SHCBP1: variants seen among roughly 807,000 people sequenced by gnomAD.
SHCBP1 encodes the protein SHC SH2 domain-binding protein 1.
Under a neutral mutation model 75.1 loss-of-function variants are expected in SHCBP1, and 60 were observed. The observed-to-expected ratio is 0.80, with a 90% CI of 0.65 to 0.99. SHCBP1 has a LOEUF of 0.99. Ranked by LOEUF, SHCBP1 falls within the 50% of genes least tolerant of loss-of-function variation. The pLI, the probability that SHCBP1 is intolerant of heterozygous loss-of-function variation, is 0.00. For synonymous variants in SHCBP1, 290 were observed against 293.2 expected (o/e 0.99, Z 0.11); for missense variants, 709 against 809.4 (o/e 0.88, Z 1.50).
rs951749649 is a variant in SHCBP1, at chr16:46,616,927, A to C, written c.387+707T>G. ...AGCTGCAATCCACTGCCTTGTACATAATCACTGTAGTATGTGATGCCATTT... is the reference window on the plus strand; with the variant it reads ...AGCTGCAATCCACTGCCTTGTACATCATCACTGTAGTATGTGATGCCATTT... On this transcript the variant is annotated intron_variant, in intron 3 of 12. Transcript: ENST00000303383. This position sits in a 1 kb window ranked among gnomAD's most constrained non-coding sequence, Gnocchi z 4.4. 3.9e-5 allele frequency among the ~76,000 whole-genome samples: 6 copies of C among 152,186 alleles called. No homozygotes were observed. Among genetic ancestry groups the C allele is most frequent in the Non-Finnish European group, 8.8e-5 (6 of 68,038 alleles).
Position 46,616,256 on chromosome 16 carries a change from G to A in SHCBP1, c.388-102C>T. ...GATTTTTTTAAAAGCATACAACATG[G>A]GTGGGGAGGCTTTACCCATAATATA... is the stretch of plus-strand genomic sequence containing the variant. On this transcript the variant is annotated intron_variant, in intron 3 of 12. Coordinates refer to ENST00000303383, the MANE Select transcript of SHCBP1 (RefSeq NM_024745.5). This position sits in a 1 kb window ranked among gnomAD's most constrained non-coding sequence, Gnocchi z 4.4. 1.7e-6 allele frequency: 2 copies of A among 1,160,502 alleles called. No individual in the cohort carries two copies. Among genetic ancestry groups the A allele is most frequent in the Non-Finnish European group, 2.5e-6 (2 of 808,994 alleles). The allele number at this position is 1,160,502 out of a possible 1,614,324, so 71.9% of individuals were successfully genotyped here.
Position 46,616,792 on chromosome 16 carries a change from T to G in SHCBP1, c.388-638A>C, listed in dbSNP as rs901667644. ...TGTTTTAAAACAATGACTTTCATTG[T>G]TTTCGGAGAACTGATTGGCGGGGGG... On this transcript the variant is annotated intron_variant, in intron 3 of 12. Transcript: ENST00000303383. The surrounding 1 kb of genome is among the most constrained non-coding windows in gnomAD (Gnocchi z 4.4). Among the ~76,000 whole-genome samples, 2 of 152,198 alleles carry G rather than the reference T, an allele frequency of 1.3e-5. No individual in the cohort carries two copies. The highest frequency in any genetic ancestry group is 4.8e-5 in the African/African-American group (2 of 41,442).
In SHCBP1 at chr16:46,618,320, T is replaced by A; in HGVS notation, c.156A>T (p.Pro52=). The change falls in exon 2 of 13, where the codon CCA becomes CCT. Residue 52 remains proline, a synonymous_variant. Transcript: ENST00000303383. ...SCSDCSYRDK[P]GSSLQSFMPE... The stretch of plus-strand genomic sequence containing the variant: ...GCATAAAACTTTGTAAACTAGAACC[T>A]GGTTTATCACGGTAGCTACAATCAC... The A allele has an allele frequency of 1.9e-6, 3 of 1,613,438 alleles. No homozygotes were observed. Among genetic ancestry groups the A allele is most frequent in the Non-Finnish European group, 2.5e-6 (3 of 1,179,842 alleles).
At chr16:46,588,613 C>T (rs1003058766) in intron 10 of SHCBP1, among the ~76,000 whole-genome samples, 12 of 152,184 alleles carry the variant, frequency 7.9e-5, no homozygotes, top group Admixed American at 7.2e-4. Context: ...CCTCCCAAGA[C>T]TAAACCAGGA....
chr16:46,604,816 G>A (rs528803251), intron 5 of SHCBP1, among the ~76,000 whole-genome samples: 7 of 152,294 alleles, frequency 4.6e-5, no homozygotes, highest in African/African-American at 1.7e-4. Flanking sequence ...AGCTTAATAA[G>A]AAGGTGGCAG....
chr16:46,583,448 T>C, intron 12 of SHCBP1, 68 bp downstream of exon 12: 2 of 1,487,094 alleles, frequency 1.3e-6, no homozygotes. Context: ...AAGACTCAGA[T>C]CCTTAATCAG....
rs190978228 is a variant in SHCBP1, at chr16:46,590,620, C to A, written c.1464+4932G>T. Among the ~76,000 whole-genome samples, 79 of 152,278 alleles carry A rather than the reference C, an allele frequency of 5.2e-4. 1 individual carries two copies. Among genetic ancestry groups the A allele is most frequent in the Admixed American group, 4.3e-3 (66 of 15,298 alleles). Reference sequence around the variant, plus strand: ...TGCAAATCAAAAACACAATGAGATACCATTTCACACCAGTTAGAATGGTGA... The same window carrying A: ...TGCAAATCAAAAACACAATGAGATAACATTTCACACCAGTTAGAATGGTGA... On this transcript the variant is annotated intron_variant, in intron 10 of 12. Coordinates refer to ENST00000303383, the MANE Select transcript of SHCBP1 (RefSeq NM_024745.5).
chr16:46,618,409 C>A, intron 1 of SHCBP1, 37 bp from the exon 2 acceptor site: 1 of 1,533,912 alleles, frequency 6.5e-7, no homozygotes, highest in Non-Finnish European at 8.7e-7. Flanking sequence ...AGCTCCAGTG[C>A]CTTATTTGAA....
chr16:46,589,975 T>G (rs1197394593), intron 10 of SHCBP1, among the ~76,000 whole-genome samples: 1 of 152,044 alleles, frequency 6.6e-6, no homozygotes, highest in Non-Finnish European at 1.5e-5. Context: ...AACAGAGATA[T>G]AGACCAATGG....
At position 46,596,450 on chromosome 16, in the gene SHCBP1, TGAGCA is replaced by T. The variant is rs377110640; in HGVS notation, c.1346-785_1346-781del. On this transcript the variant is annotated intron_variant, in intron 9 of 12. Coordinates refer to ENST00000303383, the MANE Select transcript of SHCBP1 (RefSeq NM_024745.5). ...TGAACCCAAAAGGCGGAGCTTGCAG[TGAGCA>T]GAGATCACACCACTGCACTCCAGCC... is the stretch of plus-strand genomic sequence containing the variant. Among the ~76,000 whole-genome samples, 408 of 152,000 alleles carry T rather than the reference TGAGCA, an allele frequency of 2.7e-3. 2 individuals are homozygous for T. Among genetic ancestry groups the T allele is most frequent in the African/African-American group, 9.3e-3 (386 of 41,510 alleles).
rs544781148 is a variant in SHCBP1, at chr16:46,611,036, T to G, written c.597-2647A>C. ...AAAGCCACTGTCTGTGTGGAGTATG[T>G]ACATTTTTCCCATGTCCGCATGGGT... On this transcript the variant is annotated intron_variant, in intron 4 of 12. Coordinates refer to ENST00000303383, the MANE Select transcript of SHCBP1 (RefSeq NM_024745.5). Among the ~76,000 whole-genome samples the G allele has an allele frequency of 2.4e-4, 36 of 152,296 alleles. 1 individual carries two copies. Among genetic ancestry groups the G allele is most frequent in the South Asian group, 1.7e-3 (8 of 4,828 alleles).
At chr16:46,586,734 G>A (rs1380252095) in intron 10 of SHCBP1, among the ~76,000 whole-genome samples, 1 of 152,120 alleles carries the variant, frequency 6.6e-6, no homozygotes, top group African/African-American at 2.4e-5. Context: ...CTTACCTATA[G>A]GAGAGAAAAT....
In SHCBP1 at chr16:46,597,835, G is replaced by C. The variant is rs536718000; in HGVS notation, c.1345+1996C>G. Among the ~76,000 whole-genome samples, 4 of 152,282 alleles carry C rather than the reference G, an allele frequency of 2.6e-5. No individual in the cohort carries two copies. In the East Asian group the frequency reaches 7.7e-4, roughly 29 times the overall value. ...ATTGGAGTCAATCCCATCAAAGTCT[G>C]CCTCTGCTTTACCAAGTTTACCTAA... On this transcript the variant is annotated intron_variant, in intron 9 of 12. Transcript: ENST00000303383.
At chr16:46,593,409 C>A (rs2142998916) in intron 10 of SHCBP1, among the ~76,000 whole-genome samples, 1 of 152,156 alleles carries the variant, frequency 6.6e-6, no homozygotes, top group African/African-American at 2.4e-5. Flanking sequence ...CATTTGTATG[C>A]TGAAGAGTAC....
chr16:46,617,528 G>C lies in SHCBP1; in HGVS notation c.387+106C>G, dbSNP rs947263942. On this transcript the variant is annotated intron_variant, in intron 3 of 12. Transcript: ENST00000303383. Reference sequence around the variant, plus strand: ...ATTAGATGTGAAAAACATGCTATTTGAATCAGCTCATAAACTTTAATTAAA... The same window carrying C: ...ATTAGATGTGAAAAACATGCTATTTCAATCAGCTCATAAACTTTAATTAAA... The C allele has an allele frequency of 8.9e-6, 7 of 789,750 alleles. No individual in the cohort carries two copies. In the Admixed American group the frequency reaches 1.8e-4, roughly 20 times the overall value. The allele number at this position is 789,750 out of a possible 1,614,324, so 48.9% of individuals were successfully genotyped here.
At chr16:46,586,264 A>G (rs1964953309) in intron 10 of SHCBP1, among the ~76,000 whole-genome samples, 1 of 152,230 alleles carries the variant, frequency 6.6e-6, no homozygotes, top group Admixed American at 6.5e-5. Flanking sequence ...TCAGCAAAGA[A>G]GTAGATGATA....
intron 10 of SHCBP1, among the ~76,000 whole-genome samples, chr16:46,588,339 TAG>T (rs1964985520): frequency 6.6e-6 from 1 of 151,788 alleles, no homozygotes; most frequent in East Asian, 1.9e-4. Flanking sequence ...CTGAAGGAAA[TAG>T]AGACACAAAA....
At position 46,617,762 on chromosome 16, in the gene SHCBP1, T is replaced by G; in HGVS notation, c.272-13A>C. On this transcript the variant is annotated splice_polypyrimidine_tract_variant and intron_variant, in intron 2 of 12. Transcript: ENST00000303383. ...GCCTTGCAGTCAGCTACAAACAAAT[T>G]AAACACAGGAAGAATTGAGAATGCA... The G allele has an allele frequency of 6.3e-7, 1 of 1,588,522 alleles. No homozygotes were observed.
chr16:46,584,060 A>G lies in SHCBP1; in HGVS notation c.1494T>C (p.Ser498=), dbSNP rs761158656. 9.4e-6 allele frequency: 15 copies of G among 1,604,166 alleles called. No individual in the cohort carries two copies. The highest frequency in any genetic ancestry group is 1.3e-5 in the Non-Finnish European group (15 of 1,174,646). Residue 498 remains serine (S), a synonymous_variant, in exon 11 of 13, where the codon AGT becomes AGC. Coordinates refer to ENST00000303383, the MANE Select transcript of SHCBP1 (RefSeq NM_024745.5). The part of the protein sequence containing the change: ...KGAGIEIYPG[S]QCTLSDNGIH... ...TCCCATTGTCACTCAGGGTGCACTG[A>G]CTCCCAGGGTAGATTTCTATACCAG... is the stretch of plus-strand genomic sequence containing the variant.
Sources: allele counts gnomAD v4.1 joint callset (sites outside exome capture counted in the v4.1 genomes callset), GRCh38; gene constraint gnomAD v4.1.1; non-coding constraint Gnocchi (gnomAD v3.1); transcripts MANE v1.5; gene names NCBI Gene and HGNC (gene_info 2026-07-23, HGNC 2026-07-21).